The following AKAP9 variants were observed in gnomAD, a reference collection of about 807,000 sequenced individuals.
The protein encoded by AKAP9 is A-kinase anchor protein 9.
Under a neutral mutation model 488.5 loss-of-function variants are expected in AKAP9, and 311 were observed. That is an observed-to-expected ratio of 0.64 (90% CI 0.58 to 0.70). The LOEUF (loss-of-function observed/expected upper bound fraction) is 0.70, where lower values mean the gene tolerates loss of function less well. Ranked by LOEUF, AKAP9 falls within the 30% of genes least tolerant of loss-of-function variation. AKAP9 has a pLI of 0.00. For missense variants in AKAP9, 4,215 were observed against 4,374.5 expected (o/e 0.96, Z 1.03); for synonymous variants, 1,462 against 1,483.5 (o/e 0.99, Z 0.33).
intron 1 of AKAP9, among the ~76,000 whole-genome samples, chr7:91,950,672 A>G (rs1584537299): frequency 6.6e-6 from 1 of 152,248 alleles, no homozygotes; most frequent in East Asian, 1.9e-4. Context: ...CCTTGTGGGG[A>G]TTGCAGTGGG....
In AKAP9 at chr7:92,102,607, A is replaced by C; in HGVS notation, c.11111A>C (p.Lys3704Thr). ...EHVTLKRIYGKYLRAESFRKA... is the reference protein window; with the variant it reads ...EHVTLKRIYGTYLRAESFRKA... The stretch of plus-strand genomic sequence containing the variant: ...CCCTAAATATAGAGAATTTATGGTA[A>C]ATACTTGAGGGCAGAAAGTTTTCGA... The change falls in exon 46 of 50, where the codon AAA (lysine) becomes ACA (threonine). Residue 3704 changes from lysine to threonine, a missense_variant. Transcript: ENST00000356239. 6.2e-7 allele frequency: 1 copy of C among 1,614,036 alleles called. No individual in the cohort carries two copies. Among genetic ancestry groups the C allele is most frequent in the Non-Finnish European group, 8.5e-7 (1 of 1,179,918 alleles).
chr7:92,012,153 C>T (rs904204291), intron 8 of AKAP9, among the ~76,000 whole-genome samples: 16 of 152,100 alleles, frequency 1.1e-4, no homozygotes, highest in Non-Finnish European at 5.9e-5. Flanking sequence ...CATGTCTGTA[C>T]GTTTAAAATC....
intron 23 of AKAP9, among the ~76,000 whole-genome samples, 191 bp downstream of exon 23, chr7:92,061,613 TATATATA>T (rs1419299005): frequency 1.0e-4 from 12 of 120,148 alleles, no homozygotes; most frequent in Admixed American, 7.4e-4. Context: ...TATATATATA[TATATATA>T]AAATTATAAA....
intron 1 of AKAP9, among the ~76,000 whole-genome samples, chr7:91,953,419 C>T (rs1278469466): frequency 6.6e-6 from 1 of 152,196 alleles, no homozygotes; most frequent in South Asian, 2.1e-4. Context: ...CGTCTAGGCT[C>T]AAATCCTGAC....
At chr7:92,092,740 G>A (rs757178107) in intron 38 of AKAP9, 3 of 227,602 alleles carry the variant, frequency 1.3e-5, no homozygotes, top group African/African-American at 4.6e-5. Context: ...TCCACCTCCC[G>A]GGCTCAAGCA....
chr7:92,012,277 A>G (rs756715629), intron 8 of AKAP9, 152 bp from the exon 9 acceptor site: 2 of 647,898 alleles, frequency 3.1e-6, no homozygotes, highest in Non-Finnish European at 5.3e-6. Context: ...AGAAAGGTAG[A>G]TCAATGCAAC....
At chr7:92,030,640 CAAAA>C (rs60461811) in intron 15 of AKAP9, among the ~76,000 whole-genome samples, 3 of 49,192 alleles carry the variant, frequency 6.1e-5, no homozygotes, top group South Asian at 8.1e-4. Context: ...AGACTGTCGC[CAAAA>C]AAAAAAAAAA....
chr7:92,093,854 T>G (rs2130893467), intron 39 of AKAP9, among the ~76,000 whole-genome samples: 1 of 152,190 alleles, frequency 6.6e-6, no homozygotes, highest in South Asian at 2.1e-4. Flanking sequence ...TATTTTATTT[T>G]TATTTAATTG....
intron 22 of AKAP9, among the ~76,000 whole-genome samples, chr7:92,053,278 A>G (rs1394788313): frequency 1.3e-5 from 2 of 152,174 alleles, no homozygotes; most frequent in African/African-American, 2.4e-5. Context: ...AACCGCTATT[A>G]AGTACTTTTG....
At chr7:92,104,895 A>G (rs1464001350) in intron 46 of AKAP9, among the ~76,000 whole-genome samples, 2 of 152,214 alleles carry the variant, frequency 1.3e-5, no homozygotes, top group East Asian at 1.9e-4. Context: ...ACTAATATGC[A>G]CAGAACTTAG....
intron 1 of AKAP9, among the ~76,000 whole-genome samples, chr7:91,971,368 C>T (rs1795050850): frequency 6.6e-6 from 1 of 151,930 alleles, no homozygotes; most frequent in Non-Finnish European, 1.5e-5. Context: ...TAATACATTT[C>T]TGAATTGTTT....
intron 39 of AKAP9, 95 bp downstream of exon 39, chr7:92,093,411 A>C: frequency 7.7e-6 from 8 of 1,036,400 alleles, no homozygotes; most frequent in African/African-American, 1.6e-5. Context: ...AACATGCATG[A>C]TATTTAAATA....
At chr7:92,092,256 G>A (rs1815760010) in intron 38 of AKAP9, 2 of 152,140 alleles carry the variant, frequency 1.3e-5, no homozygotes, top group African/African-American at 4.8e-5. Flanking sequence ...TAAGGGTTTG[G>A]TTGGCTTTCA....
At chr7:92,031,201 T>TAC (rs1804177516) in intron 15 of AKAP9, among the ~76,000 whole-genome samples, 1 of 152,212 alleles carries the variant, frequency 6.6e-6, no homozygotes, top group South Asian at 2.1e-4. Flanking sequence ...AGGAAATCTG[T>TAC]ACACACATAT....
chr7:92,036,818 T>C (rs1805269882), intron 16 of AKAP9, among the ~76,000 whole-genome samples: 1 of 152,202 alleles, frequency 6.6e-6, no homozygotes, highest in Admixed American at 6.5e-5. Flanking sequence ...TAAGTTGTAT[T>C]CTATGGTTAA....
intron 9 of AKAP9, among the ~76,000 whole-genome samples, chr7:92,013,214 A>G (rs1206176092): frequency 6.6e-6 from 1 of 150,966 alleles, no homozygotes; most frequent in Non-Finnish European, 1.5e-5. Flanking sequence ...GATGGTCTCG[A>G]TCTCCTGACC....
chr7:91,968,931 G>C (rs148836871), intron 1 of AKAP9, among the ~76,000 whole-genome samples: 39 of 152,160 alleles, frequency 2.6e-4, no homozygotes, highest in African/African-American at 9.4e-4. Context: ...GAGTGCAGTG[G>C]TGTGAACATG....
At position 92,070,984 on chromosome 7, in the gene AKAP9, A is replaced by C; in HGVS notation, c.6587A>C (p.Asp2196Ala). ...GAAGTACAATTGCAGGCTGAACGAGATGCCATAGACAGAAAGGAAAAAGAG... is the reference window on the plus strand; with the variant it reads ...GAAGTACAATTGCAGGCTGAACGAGCTGCCATAGACAGAAAGGAAAAAGAG... ...SLEVQLQAER[D>A]AIDRKEKEIT... The change falls in exon 28 of 50, where the codon GAT (aspartate) becomes GCT (alanine). Residue 2196 changes from aspartate (D) to alanine (A), a missense_variant. Physicochemically the swap from Asp to Ala is moderately radical, Grantham distance 126. Transcript: ENST00000356239. 1 of 1,613,814 alleles carries C rather than the reference A, an allele frequency of 6.2e-7. No individual in the cohort carries two copies. The highest frequency in any genetic ancestry group is 8.5e-7 in the Non-Finnish European group (1 of 1,179,754).
At chr7:92,013,184 G>C (rs1801013749) in intron 9 of AKAP9, among the ~76,000 whole-genome samples, 1 of 150,684 alleles carries the variant, frequency 6.6e-6, no homozygotes, top group Non-Finnish European at 1.5e-5. Context: ...GTAGAGACGG[G>C]GTTTCACCGT....
Sources: allele counts gnomAD v4.1 joint callset (sites outside exome capture counted in the v4.1 genomes callset), GRCh38; gene constraint gnomAD v4.1.1; transcripts MANE v1.5; gene names NCBI Gene and HGNC (gene_info 2026-07-23, HGNC 2026-07-21).